Variants in SLC38A6 observed in about 807,000 individuals in gnomAD.
SLC38A6 encodes N system amino acid transporter NAT-1.
In SLC38A6, 73 loss-of-function variants were observed where a neutral mutation model predicts 65.0. The observed-to-expected ratio is 1.12, with a 90% CI of 0.93 to 1.37. The LOEUF (loss-of-function observed/expected upper bound fraction) is 1.37. Among genes scored for constraint, SLC38A6 ranks in the 40% most tolerant of loss-of-function variants. SLC38A6 has a pLI of 0.00. For synonymous variants in SLC38A6, 183 were observed against 178.8 expected (o/e 1.02, Z -0.19); for missense variants, 561 against 531.1 (o/e 1.06, Z -0.55).
At chr14:60,986,069 TC>T (rs1431631113) in intron 3 of SLC38A6, among the ~76,000 whole-genome samples, 1 of 152,220 alleles carries the variant, frequency 6.6e-6, no homozygotes, top group Non-Finnish European at 1.5e-5. Context: ...GGATCTGATT[TC>T]AACATGAGAT....
chr14:61,012,758 A>G (rs1261676172), intron 3 of SLC38A6, among the ~76,000 whole-genome samples: 13 of 152,116 alleles, frequency 8.5e-5, no homozygotes, highest in Non-Finnish European at 1.9e-4. Context: ...ACAGTTTGTT[A>G]TCATTTCTGC....
chr14:60,987,840 C>T (rs570859709), intron 3 of SLC38A6, among the ~76,000 whole-genome samples: 120 of 152,344 alleles, frequency 7.9e-4, no homozygotes, highest in Admixed American at 4.4e-3. Flanking sequence ...ACTCCCTAGT[C>T]GTTGATCCCT....
At chr14:61,004,828 C>G (rs540385007) in intron 3 of SLC38A6, among the ~76,000 whole-genome samples, 18 of 152,320 alleles carry the variant, frequency 1.2e-4, no homozygotes, top group Admixed American at 7.8e-4. Flanking sequence ...TCCTCCCTAA[C>G]TCATTGTATG....
intron 1 of SLC38A6, chr14:60,981,597 G>A (rs756417699): frequency 4.0e-6 from 6 of 1,498,332 alleles, no homozygotes; most frequent in Non-Finnish European, 5.3e-6. Context: ...AGAAAGAAAA[G>A]ATGAAAAGCG....
chr14:61,073,820 T>A (rs551115582), intron 15 of SLC38A6: 1 of 152,122 alleles, frequency 6.6e-6, no homozygotes, highest in East Asian at 1.9e-4. Flanking sequence ...ATATGGGGAT[T>A]TTTTTCTGCC....
At chr14:61,022,683 ATGTT>A (rs2040405779) in intron 5 of SLC38A6, among the ~76,000 whole-genome samples, 1 of 152,222 alleles carries the variant, frequency 6.6e-6, no homozygotes, top group South Asian at 2.1e-4. Context: ...TTTTAAAAGA[ATGTT>A]TGTTAGTATA....
At chr14:61,051,687 A>T in intron 13 of SLC38A6, 100 bp from the exon 14 acceptor site, 1 of 1,334,310 alleles carries the variant, frequency 7.5e-7, no homozygotes, top group Middle Eastern at 2.2e-4. Context: ...TAAATGATGT[A>T]GGAGGCAAAA....
intron 15 of SLC38A6, among the ~76,000 whole-genome samples, chr14:61,070,893 T>C (rs994229902): frequency 6.6e-6 from 1 of 152,212 alleles, no homozygotes; most frequent in Non-Finnish European, 1.5e-5. Context: ...TTTTAAAATT[T>C]AATTTTTTTG....
intron 15 of SLC38A6, among the ~76,000 whole-genome samples, chr14:61,067,175 A>G (rs1040327432): frequency 3.3e-5 from 5 of 152,136 alleles, no homozygotes; most frequent in African/African-American, 1.2e-4. Flanking sequence ...GTCTCTTTCT[A>G]TATCTTTCTA....
At chr14:61,065,149 C>T (rs1023692201) in intron 15 of SLC38A6, among the ~76,000 whole-genome samples, 3 of 152,016 alleles carry the variant, frequency 2.0e-5, no homozygotes, top group African/African-American at 4.8e-5. Context: ...CATCTAGAAG[C>T]AGGATCTGAA....
At chr14:61,070,800 A>G (rs144690258) in intron 15 of SLC38A6, among the ~76,000 whole-genome samples, 1,608 of 152,280 alleles carry the variant, frequency 0.011, 8 homozygotes, top group Middle Eastern at 0.02. Context: ...CATTTCCCTG[A>G]TAAGTAGTGA....
At chr14:61,003,112 C>T (rs1051059280) in intron 3 of SLC38A6, among the ~76,000 whole-genome samples, 5 of 151,832 alleles carry the variant, frequency 3.3e-5, no homozygotes, top group African/African-American at 7.3e-5. Context: ...TAAAACCAAC[C>T]AGATATTTGG....
At chr14:61,046,010 G>A in intron 11 of SLC38A6, 57 bp from the exon 12 acceptor site, 1 of 1,077,788 alleles carries the variant, frequency 9.3e-7, no homozygotes, top group South Asian at 1.4e-5. Flanking sequence ...GGACATACTT[G>A]TTTCTTTACA....
chr14:61,038,282 T>C (rs1027917043), intron 8 of SLC38A6, among the ~76,000 whole-genome samples: 3 of 151,984 alleles, frequency 2.0e-5, no homozygotes, highest in African/African-American at 4.8e-5. Flanking sequence ...ATTTAACTTA[T>C]TTTGATATTA....
intron 5 of SLC38A6, among the ~76,000 whole-genome samples, chr14:61,023,926 T>G (rs2040478415): frequency 6.6e-6 from 1 of 152,102 alleles, no homozygotes; most frequent in African/African-American, 2.4e-5. Context: ...ATAGTATACA[T>G]TTAGTAAATA....
rs565585889 is a variant in SLC38A6 at position 61,019,585 on chromosome 14, G to A, written c.403+5G>A. On this transcript the variant is annotated splice_donor_5th_base_variant and intron_variant, in intron 5 of 15. Coordinates refer to ENST00000267488, the MANE Select transcript of SLC38A6 (RefSeq NM_153811.3). Reference sequence around the variant, plus strand: ...TAATAATTCAGAATATTGGAGGTAAGCAATTGCAAGTGCACTGTTTATACA... The same window carrying A: ...TAATAATTCAGAATATTGGAGGTAAACAATTGCAAGTGCACTGTTTATACA... 1.9e-6 allele frequency: 3 copies of A among 1,613,000 alleles called. No individual in the cohort carries two copies. The East Asian group carries it at 6.7e-5, about 36-fold the overall frequency.
chr14:61,072,869 A>G (rs187128957), intron 15 of SLC38A6, among the ~76,000 whole-genome samples: 5 of 152,096 alleles, frequency 3.3e-5, no homozygotes, highest in Admixed American at 2.0e-4. Context: ...CAGTATACCT[A>G]TTTTCTTTCT....
intron 15 of SLC38A6, among the ~76,000 whole-genome samples, chr14:61,076,649 G>C (rs933827654): frequency 6.6e-6 from 1 of 152,156 alleles, no homozygotes; most frequent in Non-Finnish European, 1.5e-5. Flanking sequence ...CAGATACATA[G>C]TCAATATTGA....
At chr14:61,075,002 C>A (rs566366389) in intron 15 of SLC38A6, among the ~76,000 whole-genome samples, 5 of 151,312 alleles carry the variant, frequency 3.3e-5, no homozygotes, top group Non-Finnish European at 7.4e-5. Flanking sequence ...TCACCTCAAT[C>A]AAAAAAAATG....
Sources: allele counts gnomAD v4.1 joint callset (sites outside exome capture counted in the v4.1 genomes callset), GRCh38; gene constraint gnomAD v4.1.1; transcripts MANE v1.5; gene names NCBI Gene and HGNC (gene_info 2026-07-23, HGNC 2026-07-21).